DUSP14: variants seen among roughly 807,000 people sequenced by gnomAD.
DUSP14 encodes dual specificity protein phosphatase 14.
A neutral mutation model predicts 13.2 loss-of-function variants in DUSP14; 5 were observed. The observed-to-expected ratio is 0.38, with a 90% CI of 0.20 to 0.80. The LOEUF is 0.80. Among genes scored for constraint, DUSP14 ranks in the 30% least tolerant of loss-of-function variants. The pLI is 0.44. For missense variants in DUSP14, 185 were observed against 264.0 expected, an observed-to-expected ratio of 0.70 and a Z score of 2.07; for synonymous variants, 91 against 103.4, an observed-to-expected ratio of 0.88 and a Z score of 0.73.
chr17:37,499,682 A>G (rs2054092913), intron 1 of DUSP14, among the ~76,000 whole-genome samples: 1 of 151,980 alleles, frequency 6.6e-6, no homozygotes. Flanking sequence ...GGTGCCCACC[A>G]CCACACCTGG....
Position 37,513,188 on chromosome 17 carries a change from G to GTCC in DUSP14, c.*320_*321insCCT. ...TGAATCTCATGCCTTTGGCACCTTG[G>GTCC]TAGGTGCAGGAGGAGCTCAGTGCAA... On this transcript the variant is annotated 3_prime_UTR_variant, in exon 3 of 3. Transcript: ENST00000617516. 1 of 335,970 alleles carries GTCC rather than the reference G, an allele frequency of 3.0e-6. No homozygotes were observed. Among genetic ancestry groups the GTCC allele is most frequent in the Non-Finnish European group, 5.7e-6 (1 of 174,750 alleles). The allele number at this position is 335,970 out of a possible 1,614,324, so 20.8% of individuals were successfully genotyped here.
At chr17:37,509,933 T>C (rs1387374033) in intron 1 of DUSP14, 1 of 151,270 alleles carries the variant, frequency 6.6e-6, no homozygotes, top group Non-Finnish European at 1.5e-5. Context: ...GGTCTGACAG[T>C]TACCTGGGAA....
chr17:37,509,286 TATATATATATA>T (rs1233622953), intron 1 of DUSP14, among the ~76,000 whole-genome samples: 390 of 27,598 alleles, frequency 0.014, 1 homozygote, highest in Middle Eastern at 0.02. Flanking sequence ...TATATATATA[TATATATATATA>T]GTGTGTGTGT....
At chr17:37,499,074 G>A (rs2054088107) in intron 1 of DUSP14, among the ~76,000 whole-genome samples, 1 of 152,208 alleles carries the variant, frequency 6.6e-6, no homozygotes, top group South Asian at 2.1e-4. Context: ...AAAGGAAAGA[G>A]GTTTAATTGA....
At chr17:37,506,976 C>T (rs1466448780) in intron 1 of DUSP14, among the ~76,000 whole-genome samples, 2 of 152,146 alleles carry the variant, frequency 1.3e-5, no homozygotes, top group Non-Finnish European at 2.9e-5. Flanking sequence ...TGGTGTGGAG[C>T]GCCGCGAGGC....
intron 1 of DUSP14, among the ~76,000 whole-genome samples, chr17:37,509,427 T>C (rs951854746): frequency 2.1e-4 from 31 of 149,288 alleles, no homozygotes; most frequent in African/African-American, 7.4e-4. Flanking sequence ...TTCTAGTGAT[T>C]CTCCTGCCTC....
chr17:37,494,893 A>T (rs1482167800), intron 1 of DUSP14, among the ~76,000 whole-genome samples: 2 of 152,174 alleles, frequency 1.3e-5, no homozygotes, highest in African/African-American at 4.8e-5. Flanking sequence ...AAAATAGCTA[A>T]ATCACTCTAT....
intron 1 of DUSP14, among the ~76,000 whole-genome samples, chr17:37,507,392 C>T (rs1295375980): frequency 2.0e-5 from 3 of 152,194 alleles, no homozygotes; most frequent in South Asian, 2.1e-4. Flanking sequence ...TGCGAGTTAA[C>T]GGAATCAGCC....
intron 1 of DUSP14, among the ~76,000 whole-genome samples, chr17:37,494,875 C>G (rs2054053309): frequency 6.6e-6 from 1 of 152,154 alleles, no homozygotes; most frequent in Non-Finnish European, 1.5e-5. Context: ...TTCTCTAAAG[C>G]ATCTTGGAAA....
intron 1 of DUSP14, chr17:37,509,877 T>C (rs2054171575): frequency 1.3e-5 from 2 of 150,220 alleles, no homozygotes; most frequent in Non-Finnish European, 2.9e-5. Flanking sequence ...GTATAGCAGT[T>C]TATATGTCAA....
intron 1 of DUSP14, among the ~76,000 whole-genome samples, chr17:37,496,853 T>C (rs1445105199): frequency 6.7e-6 from 1 of 150,026 alleles, no homozygotes; most frequent in African/African-American, 2.5e-5. Context: ...GACGAGGCAG[T>C]TGCAGTGAGC....
chr17:37,506,982 G>A (rs904107350), intron 1 of DUSP14, among the ~76,000 whole-genome samples: 8 of 152,226 alleles, frequency 5.3e-5, no homozygotes, highest in African/African-American at 1.4e-4. Context: ...GGAGCGCCGC[G>A]AGGCAGGTGA....
At chr17:37,499,425 G>A (rs921002194) in intron 1 of DUSP14, among the ~76,000 whole-genome samples, 3 of 152,072 alleles carry the variant, frequency 2.0e-5, no homozygotes, top group Non-Finnish European at 2.9e-5. Flanking sequence ...CTGCAGCCTC[G>A]AACTCCTGGG....
At position 37,512,364 on chromosome 17, in the gene DUSP14, CCTCCT is replaced by C; in HGVS notation, c.96_100del (p.Ser33IlefsTer24). 1 of 1,614,160 alleles carries C rather than the reference CCTCCT, an allele frequency of 6.2e-7. No homozygotes were observed. Among genetic ancestry groups the C allele is most frequent in the Non-Finnish European group, 8.5e-7 (1 of 1,180,022 alleles). On this transcript the variant is annotated frameshift_variant, in exon 3 of 3. Coordinates refer to ENST00000617516, the MANE Select transcript of DUSP14 (RefSeq NM_007026.4). LOFTEE classifies it high-confidence loss of function. The surrounding 1 kb of genome is among the most constrained non-coding windows in gnomAD (Gnocchi z 4.8). Reference sequence around the variant, plus strand: ...GACATAGGAGGCATTGCTCAAATCACCTCCTCTCTATTCCTGGGCAGAGGCAGTGT... The same window carrying C: ...GACATAGGAGGCATTGCTCAAATCACCTCTATTCCTGGGCAGAGGCAGTGT...
rs1199487168 is a variant in DUSP14 at position 37,513,111 on chromosome 17, TTAA to T, written c.*244_*246del. ...TAGTGTTTATGGAAATCTTTAGCTT[TTAA>T]TCATTTTTACCAATTTGAACAGTTT... On this transcript the variant is annotated 3_prime_UTR_variant, in exon 3 of 3. Transcript: ENST00000617516. The T allele has an allele frequency of 9.3e-6, 5 of 535,412 alleles. No homozygotes were observed. Among genetic ancestry groups the T allele is most frequent in the Non-Finnish European group, 1.7e-5 (5 of 296,650 alleles). 33.2% of individuals were successfully genotyped at this position (535,412 alleles called of 1,614,324 possible).
chr17:37,503,343 T>C (rs150171486), intron 1 of DUSP14, among the ~76,000 whole-genome samples: 1 of 152,306 alleles, frequency 6.6e-6, no homozygotes, highest in East Asian at 1.9e-4. Context: ...GGAGGATCAC[T>C]TGAACCTGGG....
At chr17:37,502,868 T>C (rs1794450834) in intron 1 of DUSP14, among the ~76,000 whole-genome samples, 1 of 152,094 alleles carries the variant, frequency 6.6e-6, no homozygotes, top group African/African-American at 2.4e-5. Flanking sequence ...TCTACTGTAT[T>C]TTTTTGTTTG....
At chr17:37,494,372 C>T (rs1028376053) in intron 1 of DUSP14, among the ~76,000 whole-genome samples, 1 of 152,066 alleles carries the variant, frequency 6.6e-6, no homozygotes, top group Non-Finnish European at 1.5e-5. Flanking sequence ...GAGTTTTTGT[C>T]GTTTTTGTTC....
chr17:37,491,754 G>A (rs970623062), intron 1 of DUSP14: 26 of 152,228 alleles, frequency 1.7e-4, no homozygotes, highest in Middle Eastern at 6.8e-3. Context: ...TGGGCTTTAG[G>A]GAGGGCTATG....
Sources: gnomAD v4.1 joint callset for allele counts (sites outside exome capture counted in the v4.1 genomes callset) on GRCh38, gnomAD v4.1.1 for gene constraint, Gnocchi (gnomAD v3.1) non-coding constraint, MANE v1.5 for transcripts, NCBI Gene and HGNC (gene_info 2026-07-23, HGNC 2026-07-21) for gene names.